PTPRD: variants seen among roughly 807,000 people sequenced by gnomAD.
PTPRD encodes protein tyrosine phosphatase receptor type D.
In PTPRD, 34 loss-of-function variants were observed where a neutral mutation model predicts 214.5. The ratio of observed to expected loss-of-function variants is 0.16; its 90% CI spans 0.12 to 0.21. PTPRD has a LOEUF of 0.21. Among genes scored for constraint, PTPRD ranks in the 10% least tolerant of loss-of-function variants. The pLI is 1.00. For missense variants in PTPRD, 2,545 were observed against 2,398.7 expected (o/e 1.06, Z -1.27); for synonymous variants, 1,128 against 845.7 (o/e 1.33, Z -5.79).
chr9:9,450,340 C>A (rs1051528929), intron 8 of PTPRD, among the ~76,000 whole-genome samples: 1 of 151,832 alleles, frequency 6.6e-6, no homozygotes, highest in East Asian at 1.9e-4. Context: ...AGGGAATTTC[C>A]ACACTGTTTT....
intron 9 of PTPRD, among the ~76,000 whole-genome samples, chr9:9,342,788 G>A (rs553976571): frequency 6.6e-6 from 1 of 151,868 alleles, no homozygotes; most frequent in African/African-American, 2.4e-5. Context: ...GTATACACGT[G>A]CCATGGTGGT....
At chr9:9,441,867 G>T (rs535218167) in intron 8 of PTPRD, among the ~76,000 whole-genome samples, 1 of 152,218 alleles carries the variant, frequency 6.6e-6, no homozygotes, top group Non-Finnish European at 1.5e-5. Context: ...AATTGCTTCT[G>T]CTGAAACATC....
chr9:9,595,405 C>CAT (rs1215637919), intron 7 of PTPRD, among the ~76,000 whole-genome samples: 6 of 143,772 alleles, frequency 4.2e-5, no homozygotes, highest in South Asian at 2.1e-4. Context: ...TACATATATA[C>CAT]ATATATATAC....
intron 5 of PTPRD, among the ~76,000 whole-genome samples, chr9:9,804,623 A>G (rs1212484291): frequency 6.6e-6 from 1 of 152,080 alleles, no homozygotes; most frequent in Non-Finnish European, 1.5e-5. Context: ...GAATTCATAC[A>G]TAAAATTTTA....
chr9:9,271,723 A>G (rs1280954329), intron 9 of PTPRD, among the ~76,000 whole-genome samples: 5 of 151,392 alleles, frequency 3.3e-5, no homozygotes, highest in Non-Finnish European at 7.4e-5. Flanking sequence ...CACCTTCTCA[A>G]TCTGTGAAAA....
intron 11 of PTPRD, among the ~76,000 whole-genome samples, chr9:8,942,330 GTTATCAC>G (rs2099039138): frequency 6.6e-6 from 1 of 152,110 alleles, no homozygotes; most frequent in Admixed American, 6.6e-5. Context: ...AAACATGCAA[GTTATCAC>G]TTTTGGCCAG....
At chr9:9,180,899 G>A (rs1009606162) in intron 10 of PTPRD, among the ~76,000 whole-genome samples, 1 of 152,000 alleles carries the variant, frequency 6.6e-6, no homozygotes, top group Non-Finnish European at 1.5e-5. Context: ...TGGAGAAGTT[G>A]GAACTGAAAA....
rs372195779 is a variant in PTPRD at position 9,712,124 on chromosome 9, T to G, written c.-287+22409A>C. ...TTTAATTTTGAGTTTCTATGGCATT[T>G]GAAACCAAATATAAAATTATAACAA... On this transcript the variant is annotated intron_variant, in intron 7 of 45. Transcript: ENST00000381196. Among the ~76,000 whole-genome samples the G allele has an allele frequency of 4.9e-4, 75 of 152,308 alleles. 1 individual carries two copies. In the South Asian group the frequency reaches 0.015, roughly 31 times the overall value.
chr9:9,789,588 G>A (rs933610524), intron 5 of PTPRD, among the ~76,000 whole-genome samples: 1 of 151,692 alleles, frequency 6.6e-6, no homozygotes, highest in Non-Finnish European at 1.5e-5. Flanking sequence ...AGGAGATCAG[G>A]AGATCAAGAC....
chr9:9,731,608 C>G (rs1343305678), intron 7 of PTPRD, among the ~76,000 whole-genome samples: 4 of 151,958 alleles, frequency 2.6e-5, no homozygotes, highest in Non-Finnish European at 4.4e-5. Context: ...ATCCTTCCCC[C>G]CTCCCTACAC....
At chr9:8,742,219 T>C (rs942758549) in intron 11 of PTPRD, among the ~76,000 whole-genome samples, 1 of 152,176 alleles carries the variant, frequency 6.6e-6, no homozygotes, top group African/African-American at 2.4e-5. Flanking sequence ...TAATGTATGA[T>C]TTGTTGTTTT....
At chr9:10,167,975 A>G (rs975923927) in intron 3 of PTPRD, among the ~76,000 whole-genome samples, 3 of 152,184 alleles carry the variant, frequency 2.0e-5, no homozygotes, top group Non-Finnish European at 4.4e-5. Context: ...TCTGAACTGT[A>G]TGGACAGAGC....
chr9:9,158,505 C>A (rs574528511), intron 10 of PTPRD, among the ~76,000 whole-genome samples: 3 of 151,988 alleles, frequency 2.0e-5, no homozygotes, highest in Admixed American at 2.0e-4. Context: ...GAGGCTGAGG[C>A]GGGAGAATTG....
rs182707649 is a variant in PTPRD at position 9,693,214 on chromosome 9, G to A, written c.-287+41319C>T. Among the ~76,000 whole-genome samples, 17 of 151,122 alleles carry A rather than the reference G, an allele frequency of 1.1e-4. No individual in the cohort carries two copies. In the South Asian group the frequency reaches 3.3e-3, roughly 30 times the overall value. On this transcript the variant is annotated intron_variant, in intron 7 of 45. Transcript: ENST00000381196. ...CTTGTTCCAGATCTGGTATGGTTTA[G>A]CTTTGTGTTCGCACTAAATCTCATC...
intron 12 of PTPRD, among the ~76,000 whole-genome samples, chr9:8,696,152 G>A (rs944510596): frequency 1.3e-5 from 2 of 152,112 alleles, no homozygotes; most frequent in African/African-American, 4.8e-5. Context: ...CCACCTTCAC[G>A]TTATGTTTTT....
At chr9:9,304,886 T>C (rs1221530749) in intron 9 of PTPRD, among the ~76,000 whole-genome samples, 1 of 149,842 alleles carries the variant, frequency 6.7e-6, no homozygotes, top group Non-Finnish European at 1.5e-5. Context: ...AATCTCTCCA[T>C]GAAAGGATAG....
At chr9:10,189,421 A>C (rs1159860520) in intron 3 of PTPRD, among the ~76,000 whole-genome samples, 1 of 152,190 alleles carries the variant, frequency 6.6e-6, no homozygotes, top group Non-Finnish European at 1.5e-5. Context: ...TTGGGATTAA[A>C]TGTGATAACA....
chr9:9,122,216 T>C (rs1412036462), intron 10 of PTPRD, among the ~76,000 whole-genome samples: 1 of 152,232 alleles, frequency 6.6e-6, no homozygotes, highest in African/African-American at 2.4e-5. Flanking sequence ...CATCAGATAT[T>C]ATTTCTAGCT....
At chr9:9,268,110 A>G (rs1306177750) in intron 9 of PTPRD, among the ~76,000 whole-genome samples, 1 of 151,182 alleles carries the variant, frequency 6.6e-6, no homozygotes, top group Non-Finnish European at 1.5e-5. Context: ...AATCTTATAT[A>G]TAGAAAACCC....
Sources: allele counts gnomAD v4.1 joint callset (sites outside exome capture counted in the v4.1 genomes callset), GRCh38; gene constraint gnomAD v4.1.1; transcripts MANE v1.5; gene names NCBI Gene and HGNC (gene_info 2026-07-23, HGNC 2026-07-21).